The following ANKS1B variants were observed in gnomAD, a reference collection of about 807,000 sequenced individuals.
ANKS1B encodes ankyrin repeat and sterile alpha motif domain containing 1B.
Under a neutral mutation model 148.3 loss-of-function variants are expected in ANKS1B, and 36 were observed. The observed-to-expected ratio is 0.24, with a 90% CI of 0.19 to 0.32. ANKS1B has a LOEUF of 0.32. Ranked by LOEUF, ANKS1B falls within the 10% of genes least tolerant of loss-of-function variation. The probability of loss-of-function intolerance (pLI) is 1.00; values close to 1 mark genes in which losing one functional copy is unlikely to be tolerated. For missense variants in ANKS1B, 1,157 were observed against 1,542.6 expected (o/e 0.75, Z 4.19); for synonymous variants, 542 against 560.8 (o/e 0.97, Z 0.47).
chr12:99,348,846 T>C (rs540103290), intron 12 of ANKS1B, among the ~76,000 whole-genome samples: 14 of 151,910 alleles, frequency 9.2e-5, no homozygotes, highest in Non-Finnish European at 1.8e-4. Context: ...TGCAGCTACA[T>C]GAAGAAATAA....
At position 99,741,206 on chromosome 12, in the gene ANKS1B, AACACACACAC is replaced by A. The variant is rs774613671; in HGVS notation, c.1128+31706_1128+31715del. Among the ~76,000 whole-genome samples the A allele has an allele frequency of 1.0e-4, 14 of 135,338 alleles. No individual in the cohort carries two copies. In the East Asian group the frequency reaches 1.1e-3, roughly 11 times the overall value. 88.8% of individuals were successfully genotyped at this position (135,338 alleles called of 152,430 possible). On this transcript the variant is annotated intron_variant, in intron 8 of 26. Transcript: ENST00000683438. ...CTGGCAACAGAGCTAGGCTCCGTCA[AACACACACAC>A]ACACACACACACACACACACACACA...
At chr12:99,694,416 G>A (rs1318785556) in intron 8 of ANKS1B, among the ~76,000 whole-genome samples, 1 of 150,952 alleles carries the variant, frequency 6.6e-6, no homozygotes, top group Non-Finnish European at 1.5e-5. Flanking sequence ...TCCAGCCTGG[G>A]TGACAGAGTG....
chr12:99,007,813 T>G (rs1444324898), intron 17 of ANKS1B, among the ~76,000 whole-genome samples: 1 of 152,076 alleles, frequency 6.6e-6, no homozygotes, highest in Non-Finnish European at 1.5e-5. Context: ...TCTCTATTGC[T>G]TTTGCTGTCT....
intron 14 of ANKS1B, among the ~76,000 whole-genome samples, chr12:99,162,676 G>T (rs148370429): frequency 2.7e-4 from 41 of 151,980 alleles, no homozygotes; most frequent in African/African-American, 8.7e-4. Context: ...GGATATATAC[G>T]TATATGGGAG....
chr12:99,164,739 T>C (rs1037068309), intron 14 of ANKS1B, among the ~76,000 whole-genome samples: 1 of 152,096 alleles, frequency 6.6e-6, no homozygotes, highest in Non-Finnish European at 1.5e-5. Context: ...ATCTGCCTTA[T>C]TCCCAACCAG....
At chr12:99,330,007 T>C (rs577543164) in intron 12 of ANKS1B, among the ~76,000 whole-genome samples, 1 of 152,092 alleles carries the variant, frequency 6.6e-6, no homozygotes, top group South Asian at 2.1e-4. Flanking sequence ...TGATATTTTC[T>C]ATTTTGGTTA....
intron 17 of ANKS1B, among the ~76,000 whole-genome samples, chr12:99,001,574 T>C (rs939326374): frequency 7.0e-6 from 1 of 143,266 alleles, no homozygotes; most frequent in African/African-American, 2.6e-5. Context: ...TACTATGTGA[T>C]AATTTAAGTT....
chr12:99,007,980 C>G (rs2099937124), intron 17 of ANKS1B, among the ~76,000 whole-genome samples: 2 of 151,836 alleles, frequency 1.3e-5, no homozygotes, highest in Non-Finnish European at 2.9e-5. Context: ...GCCCCCCCAC[C>G]CTCTATCAGC....
chr12:99,114,634 C>T (rs1462725422), intron 15 of ANKS1B, among the ~76,000 whole-genome samples: 1 of 152,048 alleles, frequency 6.6e-6, no homozygotes, highest in Non-Finnish European at 1.5e-5. Flanking sequence ...GGCCTGCAAT[C>T]CCAGCTACTC....
chr12:99,480,374 A>T (rs965973374), intron 10 of ANKS1B, among the ~76,000 whole-genome samples: 1 of 151,924 alleles, frequency 6.6e-6, no homozygotes, highest in Non-Finnish European at 1.5e-5. Context: ...CAAACTGTGC[A>T]ATAAATCAAT....
At chr12:98,773,297 C>T (rs1181902406) in intron 24 of ANKS1B, 118 bp from the exon 25 acceptor site, 1 of 1,155,334 alleles carries the variant, frequency 8.7e-7, no homozygotes, top group African/African-American at 1.6e-5. Context: ...TCTAGACTAG[C>T]AACACTCAAA....
intron 1 of ANKS1B, among the ~76,000 whole-genome samples, chr12:99,917,727 G>A (rs2094214776): frequency 6.6e-6 from 1 of 152,154 alleles, no homozygotes; most frequent in Non-Finnish European, 1.5e-5. Flanking sequence ...TCAAGCTGAT[G>A]AACCACTAGC....
At chr12:99,393,789 C>G (rs2094154279) in intron 12 of ANKS1B, among the ~76,000 whole-genome samples, 1 of 152,152 alleles carries the variant, frequency 6.6e-6, no homozygotes, top group East Asian at 1.9e-4. Context: ...GTCCTAAGAT[C>G]TTATTGATTT....
chr12:99,023,968 A>C (rs1345582950), intron 17 of ANKS1B, among the ~76,000 whole-genome samples: 1 of 150,302 alleles, frequency 6.7e-6, no homozygotes, highest in Admixed American at 6.7e-5. Context: ...TTTATAGTTA[A>C]TTTAATTATA....
chr12:99,368,660 TA>T (rs1486915430), intron 12 of ANKS1B, among the ~76,000 whole-genome samples: 2 of 152,038 alleles, frequency 1.3e-5, no homozygotes, highest in African/African-American at 4.8e-5. Context: ...TCATTTATTG[TA>T]AAACACTGAA....
chr12:98,942,350 C>T (rs1448682746), intron 17 of ANKS1B, among the ~76,000 whole-genome samples: 1 of 152,140 alleles, frequency 6.6e-6, no homozygotes, highest in Non-Finnish European at 1.5e-5. Flanking sequence ...TAGTCAGGAA[C>T]AGGCTGACTT....
intron 14 of ANKS1B, among the ~76,000 whole-genome samples, chr12:99,240,573 T>G (rs970465724): frequency 6.6e-6 from 1 of 152,072 alleles, no homozygotes. Context: ...ATAATAGACA[T>G]CTACAGAACT....
At chr12:98,959,398 G>A (rs1236759191) in intron 17 of ANKS1B, among the ~76,000 whole-genome samples, 1 of 152,116 alleles carries the variant, frequency 6.6e-6, no homozygotes, top group African/African-American at 2.4e-5. Context: ...GTAGAGGCTG[G>A]GTGGGCATGT....
chr12:99,938,002 A>G (rs1414235200), intron 1 of ANKS1B, among the ~76,000 whole-genome samples: 1 of 152,054 alleles, frequency 6.6e-6, no homozygotes, highest in African/African-American at 2.4e-5. Flanking sequence ...CATAATCCCC[A>G]TTTCCTAGTT....
Sources: gnomAD v4.1 joint callset for allele counts (sites outside exome capture counted in the v4.1 genomes callset) on GRCh38, gnomAD v4.1.1 for gene constraint, MANE v1.5 for transcripts, NCBI Gene and HGNC (gene_info 2026-07-23, HGNC 2026-07-21) for gene names.